Variants in BNC2 observed in about 807,000 individuals in gnomAD.
BNC2 encodes the protein basonuclin zinc finger protein 2, also known as zinc finger protein basonuclin-2.
Under a neutral mutation model 76.3 loss-of-function variants are expected in BNC2, and 20 were observed. The ratio of observed to expected loss-of-function variants is 0.26; its 90% CI spans 0.18 to 0.38. BNC2 has a LOEUF of 0.38. Among genes scored for constraint, BNC2 ranks in the 10% least tolerant of loss-of-function variants. The pLI is 1.00. For synonymous variants in BNC2, 582 were observed against 514.8 expected (o/e 1.13, Z -1.77); for missense variants, 1,382 against 1,399.8 (o/e 0.99, Z 0.20).
chr9:16,777,337 G>T (rs893432614), intron 1 of BNC2, among the ~76,000 whole-genome samples: 5 of 151,992 alleles, frequency 3.3e-5, no homozygotes, highest in Non-Finnish European at 7.4e-5. Context: ...ATATTCAAAA[G>T]ACCTGTGAAA....
intron 3 of BNC2, among the ~76,000 whole-genome samples, chr9:16,589,899 T>A (rs768139199): frequency 2.6e-4 from 39 of 152,288 alleles, no homozygotes; most frequent in African/African-American, 7.7e-4. Flanking sequence ...TAAAATATTT[T>A]AAAATGCTTA....
At chr9:16,744,402 G>A (rs985893073) in intron 1 of BNC2, among the ~76,000 whole-genome samples, 4 of 152,288 alleles carry the variant, frequency 2.6e-5, no homozygotes, top group African/African-American at 9.6e-5. Flanking sequence ...AATAATGAAT[G>A]CTAATGTAAA....
intron 5 of BNC2, among the ~76,000 whole-genome samples, chr9:16,482,801 C>A (rs888142022): frequency 4.6e-5 from 7 of 152,152 alleles, no homozygotes; most frequent in Admixed American, 6.5e-5. Context: ...ACTCTCTGGA[C>A]CAGACTGGGG....
intron 2 of BNC2, among the ~76,000 whole-genome samples, chr9:16,731,781 G>C (rs1187712707): frequency 1.3e-5 from 2 of 152,048 alleles, no homozygotes; most frequent in Non-Finnish European, 2.9e-5. Context: ...GCATTTCATA[G>C]CTCATGTTTT....
intron 5 of BNC2, among the ~76,000 whole-genome samples, chr9:16,457,612 C>A (rs1038893135): frequency 6.6e-6 from 1 of 152,150 alleles, no homozygotes; most frequent in Non-Finnish European, 1.5e-5. Context: ...AACTCAGTGC[C>A]CACAGTTTTT....
chr9:16,693,662 T>C (rs1006842428), intron 3 of BNC2, among the ~76,000 whole-genome samples: 4 of 152,092 alleles, frequency 2.6e-5, no homozygotes, highest in Non-Finnish European at 5.9e-5. Context: ...CTTAAAACAA[T>C]GGAGAGAAAG....
intron 3 of BNC2, among the ~76,000 whole-genome samples, chr9:16,634,257 T>C (rs967639762): frequency 6.6e-6 from 1 of 152,194 alleles, no homozygotes; most frequent in African/African-American, 2.4e-5. Context: ...CAATATACTG[T>C]ATCTATTCCT....
Position 16,809,916 on chromosome 9 carries a change from G to A in BNC2, c.3+60730C>T, listed in dbSNP as rs142387561. Among the ~76,000 whole-genome samples, 939 of 152,174 alleles carry A rather than the reference G, an allele frequency of 6.2e-3. 4 individuals are homozygous for A. Among genetic ancestry groups the A allele is most frequent in the Middle Eastern group, 0.017 (5 of 294 alleles). On this transcript the variant is annotated intron_variant, in intron 1 of 6. Transcript: ENST00000380672. ...ATGTATTATTTAAATTGTATAAAAAGATGCTTCATCTTTCCTAATCAATGC... is the reference window on the plus strand; with the variant it reads ...ATGTATTATTTAAATTGTATAAAAAAATGCTTCATCTTTCCTAATCAATGC...
At chr9:16,673,705 A>C (rs1433506037) in intron 3 of BNC2, among the ~76,000 whole-genome samples, 4 of 152,206 alleles carry the variant, frequency 2.6e-5, no homozygotes, top group Non-Finnish European at 4.4e-5. Context: ...CAGTGTACCA[A>C]ATAAGTTTGA....
rs1818501835 is a variant in BNC2, at chr9:16,828,451, G to C, written c.3+42195C>G. Among the ~76,000 whole-genome samples the C allele has an allele frequency of 2.0e-5, 3 of 152,260 alleles. No individual in the cohort carries two copies. The South Asian group carries it at 6.2e-4, about 32-fold the overall frequency. ...ATTAATACTGTCTCTTTAAGTTACA[G>C]GACCTGCTATAGTTAGGTAGTATGA... On this transcript the variant is annotated intron_variant, in intron 1 of 6. Transcript: ENST00000380672.
chr9:16,771,496 T>G lies in BNC2; in HGVS notation c.4-33011A>C, dbSNP rs117506587. On this transcript the variant is annotated intron_variant, in intron 1 of 6. Transcript: ENST00000380672. ...TTGGTTTTAAGATATGTGTTCATTTTCATCCAAGAGGCAGCTACAAGTATA... is the reference window on the plus strand; with the variant it reads ...TTGGTTTTAAGATATGTGTTCATTTGCATCCAAGAGGCAGCTACAAGTATA... 9.1e-3 allele frequency among the ~76,000 whole-genome samples: 1,381 copies of G among 152,324 alleles called. 2 individuals carry two copies. Among genetic ancestry groups the G allele is most frequent in the Non-Finnish European group, 0.013 (854 of 68,036 alleles).
chr9:16,817,957 A>G (rs1031827756), intron 1 of BNC2, among the ~76,000 whole-genome samples: 3 of 152,178 alleles, frequency 2.0e-5, no homozygotes, highest in Non-Finnish European at 4.4e-5. Context: ...AGCATGGTTC[A>G]TAAGCATTGT....
chr9:16,863,288 T>G (rs1163184906), intron 1 of BNC2, among the ~76,000 whole-genome samples: 2 of 152,198 alleles, frequency 1.3e-5, no homozygotes, highest in African/African-American at 4.8e-5. Context: ...ATAGGATAGC[T>G]GGGCATTTAG....
At chr9:16,563,130 T>G (rs1303567061) in intron 4 of BNC2, among the ~76,000 whole-genome samples, 1 of 152,180 alleles carries the variant, frequency 6.6e-6, no homozygotes, top group Non-Finnish European at 1.5e-5. Context: ...TATCATTGGA[T>G]TTGCAAATTA....
chr9:16,537,313 C>T (rs1050136168), intron 5 of BNC2, among the ~76,000 whole-genome samples: 4 of 152,028 alleles, frequency 2.6e-5, no homozygotes, highest in African/African-American at 7.2e-5. Context: ...TTCCTTGAAT[C>T]GCACTCGAAA....
intron 3 of BNC2, among the ~76,000 whole-genome samples, chr9:16,620,523 T>G (rs1299806124): frequency 2.0e-5 from 3 of 152,098 alleles, no homozygotes; most frequent in African/African-American, 7.2e-5. Context: ...ACAACCCAAA[T>G]GATGACTTAG....
At chr9:16,644,147 A>C (rs1821562647) in intron 3 of BNC2, among the ~76,000 whole-genome samples, 1 of 152,206 alleles carries the variant, frequency 6.6e-6, no homozygotes, top group South Asian at 2.1e-4. Context: ...ATGATATCAA[A>C]GTTTCCTATA....
intron 5 of BNC2, among the ~76,000 whole-genome samples, chr9:16,455,622 C>G (rs1370342050): frequency 1.3e-5 from 2 of 152,130 alleles, no homozygotes; most frequent in Non-Finnish European, 2.9e-5. Flanking sequence ...GAAACCCTGT[C>G]TCTACTAATA....
intron 3 of BNC2, among the ~76,000 whole-genome samples, chr9:16,649,986 A>C (rs1821746490): frequency 6.6e-6 from 1 of 152,180 alleles, no homozygotes. Context: ...AGTTTCCAAA[A>C]TGGAGACACC....
Sources: gnomAD v4.1 joint callset for allele counts (sites outside exome capture counted in the v4.1 genomes callset) on GRCh38, gnomAD v4.1.1 for gene constraint, MANE v1.5 for transcripts, NCBI Gene and HGNC (gene_info 2026-07-23, HGNC 2026-07-21) for gene names.